Variants in SAMMSON observed in about 807,000 individuals in gnomAD.
SAMMSON encodes the protein long intergenic non-protein coding RNA 1212.
At chr3:70,346,584 A>G (rs1702752413) in intron 7 of SAMMSON, among the ~76,000 whole-genome samples, 1 of 152,108 alleles carries the variant, frequency 6.6e-6, no homozygotes, top group South Asian at 2.1e-4. Flanking sequence ...CTAAATGTTT[A>G]CTTAAGGGGA....
chr3:70,273,072 A>G (rs1219231457), intron 6 of SAMMSON, among the ~76,000 whole-genome samples: 1 of 152,206 alleles, frequency 6.6e-6, no homozygotes, highest in Non-Finnish European at 1.5e-5. Context: ...AGGGAAGTTC[A>G]GCCAGTGACC....
intron 3 of SAMMSON, among the ~76,000 whole-genome samples, chr3:70,066,720 T>C (rs2067211484): frequency 6.6e-6 from 1 of 152,060 alleles, no homozygotes; most frequent in Non-Finnish European, 1.5e-5. Flanking sequence ...ATGTCAGGGA[T>C]TTAAATTAAT....
At chr3:70,196,929 G>A in intron 4 of SAMMSON, 2 of 398,500 alleles carry the variant, frequency 5.0e-6, no homozygotes, top group Non-Finnish European at 8.8e-6. Flanking sequence ...CACTGTGCTA[G>A]CGGTAACAGA....
At chr3:70,166,142 T>C (rs2067636009) in intron 4 of SAMMSON, among the ~76,000 whole-genome samples, 3 of 152,000 alleles carry the variant, frequency 2.0e-5, no homozygotes, top group Non-Finnish European at 4.4e-5. Context: ...GTTAAGATCA[T>C]GGGCCTCAGA....
At chr3:70,187,971 A>C (rs979526340) in intron 4 of SAMMSON, among the ~76,000 whole-genome samples, 1 of 152,112 alleles carries the variant, frequency 6.6e-6, no homozygotes, top group Non-Finnish European at 1.5e-5. Flanking sequence ...TCACTTGGAC[A>C]TACCTCCCAC....
At chr3:70,008,614 C>T (rs377379049) in intron 1 of SAMMSON, among the ~76,000 whole-genome samples, 1 of 151,986 alleles carries the variant, frequency 6.6e-6, no homozygotes, top group Non-Finnish European at 1.5e-5. Context: ...TCTTTTCCTA[C>T]TTGAATACCC....
intron 7 of SAMMSON, among the ~76,000 whole-genome samples, chr3:70,317,646 G>A (rs549644384): frequency 5.6e-4 from 84 of 151,270 alleles, no homozygotes; most frequent in Middle Eastern, 3.4e-3. Context: ...ATATACACGC[G>A]TGTATAGAAA....
intron 9 of SAMMSON, among the ~76,000 whole-genome samples, chr3:70,367,042 T>A (rs1051152495): frequency 6.6e-6 from 1 of 151,752 alleles, no homozygotes; most frequent in Non-Finnish European, 1.5e-5. Flanking sequence ...TGTATGGATA[T>A]ATAATTGTAC....
intron 9 of SAMMSON, among the ~76,000 whole-genome samples, chr3:70,366,997 C>T (rs1192054297): frequency 6.6e-6 from 1 of 151,592 alleles, no homozygotes; most frequent in Admixed American, 6.6e-5. Flanking sequence ...TCCGTTCGTA[C>T]TTTTGCTCAT....
At chr3:70,014,552 A>G (rs906134247) in intron 3 of SAMMSON, 1 of 152,186 alleles carries the variant, frequency 6.6e-6, no homozygotes, top group Non-Finnish European at 1.5e-5. Context: ...ATCCATATGC[A>G]TCGGATCAGT....
chr3:70,277,408 C>T (rs1204465560), intron 6 of SAMMSON, among the ~76,000 whole-genome samples: 3 of 152,148 alleles, frequency 2.0e-5, no homozygotes, highest in Non-Finnish European at 4.4e-5. Flanking sequence ...GATTATTTGT[C>T]AAAGTCACAC....
At position 70,010,225 on chromosome 3, in the gene SAMMSON, TGTTGACC is replaced by T. The variant is rs929906150; in HGVS notation, n.23-2129_23-2123del. Among the ~76,000 whole-genome samples, 34 of 152,100 alleles carry T rather than the reference TGTTGACC, an allele frequency of 2.2e-4. 1 individual carries two copies. Among genetic ancestry groups the T allele is most frequent in the African/African-American group, 8.0e-4 (33 of 41,366 alleles). ...CTTTCTGTCTCGTTGATGTGTCTAA[TGTTGACC>T]GTGGGGTGTTAAAGTCTCCCGTTAT... On this transcript the variant is annotated intron_variant and non_coding_transcript_variant, in intron 1 of 9. Transcript: ENST00000642114.
chr3:70,149,259 C>T (rs1310326875), intron 4 of SAMMSON, among the ~76,000 whole-genome samples: 1 of 151,976 alleles, frequency 6.6e-6, no homozygotes, highest in Non-Finnish European at 1.5e-5. Context: ...CTTTATATAC[C>T]AGACAATTCC....
intron 4 of SAMMSON, among the ~76,000 whole-genome samples, chr3:70,217,398 G>T (rs1301069642): frequency 6.6e-6 from 1 of 152,106 alleles, no homozygotes; most frequent in Non-Finnish European, 1.5e-5. Flanking sequence ...TGAATTAATG[G>T]TTGAATTTCT....
chr3:70,259,001 A>G (rs920387980), intron 6 of SAMMSON, among the ~76,000 whole-genome samples: 2 of 152,212 alleles, frequency 1.3e-5, no homozygotes, highest in African/African-American at 4.8e-5. Flanking sequence ...GGTGCAAGAT[A>G]TATAATAAAG....
intron 3 of SAMMSON, among the ~76,000 whole-genome samples, chr3:70,054,376 C>T (rs1435408536): frequency 6.6e-6 from 1 of 152,082 alleles, no homozygotes; most frequent in African/African-American, 2.4e-5. Flanking sequence ...GAGAGCCCAG[C>T]ACATAATTTG....
intron 6 of SAMMSON, among the ~76,000 whole-genome samples, chr3:70,251,195 C>T (rs1404616611): frequency 1.3e-5 from 2 of 152,188 alleles, no homozygotes; most frequent in Admixed American, 1.3e-4. Context: ...GACAGAGCTA[C>T]TCCTCAGGTT....
intron 2 of SAMMSON, among the ~76,000 whole-genome samples, chr3:70,411,623 GTAATTGAA>G (rs985805085): frequency 2.0e-5 from 3 of 152,178 alleles, no homozygotes; most frequent in African/African-American, 7.2e-5. Flanking sequence ...CCAGTGGGAG[GTAATTGAA>G]TCATGGGGGC....
chr3:70,328,376 A>T lies in SAMMSON; in HGVS notation n.740-25799A>T, dbSNP rs534241172. Among the ~76,000 whole-genome samples, 3 of 152,328 alleles carry T rather than the reference A, an allele frequency of 2.0e-5. No homozygotes were observed. In the East Asian group the frequency reaches 5.8e-4, roughly 29 times the overall value. ...AATATACACTGAAATGACATAGGTG[A>T]TAGAATTGGTAGACAGGAACCTAAA... is the stretch of plus-strand genomic sequence containing the variant. On this transcript the variant is annotated intron_variant and non_coding_transcript_variant, in intron 7 of 9. Transcript: ENST00000642114.
Sources: gnomAD v4.1 joint callset for allele counts (sites outside exome capture counted in the v4.1 genomes callset) on GRCh38, gnomAD v4.1.1 for gene constraint, MANE v1.5 for transcripts, NCBI Gene and HGNC (gene_info 2026-07-23, HGNC 2026-07-21) for gene names.